ACOXL: variants seen among roughly 807,000 people sequenced by gnomAD.
ACOXL encodes the protein acyl-CoA oxidase like.
A neutral mutation model predicts 71.9 loss-of-function variants in ACOXL; 70 were observed. The observed-to-expected ratio is 0.97, with a 90% CI of 0.80 to 1.19. The LOEUF is 1.19. Ranked by LOEUF, ACOXL falls within the 50% of genes most tolerant of loss-of-function variation. The pLI, the probability that ACOXL is intolerant of heterozygous loss-of-function variation, is 0.00. For synonymous variants in ACOXL, 253 were observed against 281.6 expected, an observed-to-expected ratio of 0.90 and a Z score of 1.02; for missense variants, 703 against 736.3, an observed-to-expected ratio of 0.95 and a Z score of 0.52.
At position 111,095,398 on chromosome 2, in the gene ACOXL, T is replaced by TC. The variant is rs573893523; in HGVS notation, c.1542+2432_1542+2433insC. Among the ~76,000 whole-genome samples, 43 of 145,726 alleles carry TC rather than the reference T, an allele frequency of 3.0e-4. No homozygotes were observed. In the East Asian group the frequency reaches 7.9e-3, roughly 27 times the overall value. ...GTATTTATTTTTCTTTTTCTTTTTT[T>TC]TTTTTTTTTTTGAGTTGGAGTCTTG... On this transcript the variant is annotated intron_variant, in intron 17 of 17. Coordinates refer to ENST00000439055, the MANE Select transcript of ACOXL (RefSeq NM_001142807.4).
chr2:110,843,832 A>G (rs1357050514), intron 10 of ACOXL, among the ~76,000 whole-genome samples: 1 of 152,194 alleles, frequency 6.6e-6, no homozygotes, highest in Non-Finnish European at 1.5e-5. Flanking sequence ...TATCATGGAT[A>G]TTTACATAAG....
chr2:110,735,284 A>G (rs922215413), intron 1 of ACOXL, among the ~76,000 whole-genome samples: 2 of 152,218 alleles, frequency 1.3e-5, no homozygotes, highest in African/African-American at 4.8e-5. Context: ...ATGTTATAGA[A>G]CATTAGGAGA....
At chr2:110,992,744 C>T (rs1276191124) in intron 13 of ACOXL, among the ~76,000 whole-genome samples, 1 of 152,192 alleles carries the variant, frequency 6.6e-6, no homozygotes, top group East Asian at 1.9e-4. Flanking sequence ...TGGCTTGTCC[C>T]TGCAAGGGTT....
At chr2:111,019,533 T>C (rs1329780379) in intron 14 of ACOXL, among the ~76,000 whole-genome samples, 2 of 152,240 alleles carry the variant, frequency 1.3e-5, no homozygotes, top group African/African-American at 4.8e-5. Context: ...GCCAAGGCCC[T>C]GTTGATTTCA....
intron 9 of ACOXL, among the ~76,000 whole-genome samples, chr2:110,818,451 G>GTGTGTGTGTGTA (rs1373497384): frequency 1.2e-3 from 164 of 135,782 alleles, no homozygotes; most frequent in African/African-American, 4.4e-3. Context: ...GTGTGTGTGT[G>GTGTGTGTGTGTA]TATATATATA....
intron 1 of ACOXL, among the ~76,000 whole-genome samples, chr2:110,747,406 G>C (rs1678361611): frequency 1.3e-5 from 2 of 152,180 alleles, no homozygotes; most frequent in Admixed American, 6.5e-5. Context: ...AGTCAGGCCT[G>C]GTTATATCCA....
At chr2:110,738,846 G>A (rs968067791) in intron 1 of ACOXL, among the ~76,000 whole-genome samples, 1 of 151,858 alleles carries the variant, frequency 6.6e-6, no homozygotes, top group African/African-American at 2.4e-5. Context: ...CCATCTCTTT[G>A]TCTTTTGGTT....
chr2:110,790,620 G>A (rs183318597), intron 3 of ACOXL, among the ~76,000 whole-genome samples: 29 of 152,190 alleles, frequency 1.9e-4, no homozygotes, highest in Non-Finnish European at 2.2e-4. Context: ...ACTGCTTTTC[G>A]CAGTCTCTCT....
At chr2:111,039,940 G>T (rs1215052656) in intron 15 of ACOXL, among the ~76,000 whole-genome samples, 1 of 152,236 alleles carries the variant, frequency 6.6e-6, no homozygotes, top group Non-Finnish European at 1.5e-5. Context: ...CTGTTTCTCA[G>T]TATGTAAACC....
chr2:110,837,309 A>G (rs1321683247), intron 9 of ACOXL, among the ~76,000 whole-genome samples: 1 of 152,210 alleles, frequency 6.6e-6, no homozygotes. Flanking sequence ...ATTCCCAGTG[A>G]CATAGGGACA....
intron 16 of ACOXL, among the ~76,000 whole-genome samples, chr2:111,068,302 A>G (rs981533531): frequency 2.0e-5 from 3 of 152,188 alleles, no homozygotes; most frequent in Non-Finnish European, 4.4e-5. Context: ...TGACTGGAGC[A>G]CGGGGGCGTG....
At chr2:111,091,107 G>A (rs906889585) in intron 16 of ACOXL, among the ~76,000 whole-genome samples, 2 of 152,052 alleles carry the variant, frequency 1.3e-5, no homozygotes, top group Non-Finnish European at 2.9e-5. Flanking sequence ...TCTTGGCTGA[G>A]GGTCACAGCT....
intron 10 of ACOXL, among the ~76,000 whole-genome samples, chr2:110,880,010 G>A (rs1338951019): frequency 6.6e-6 from 1 of 151,960 alleles, no homozygotes; most frequent in African/African-American, 2.4e-5. Flanking sequence ...GCCAAGCATG[G>A]TGGCAGGTGC....
chr2:110,940,254 C>T (rs981074186), intron 12 of ACOXL, among the ~76,000 whole-genome samples: 5 of 152,146 alleles, frequency 3.3e-5, no homozygotes, highest in Non-Finnish European at 5.9e-5. Flanking sequence ...AAACACAGCC[C>T]AGACTCACTG....
At chr2:110,812,149 A>G (rs950366962) in intron 9 of ACOXL, among the ~76,000 whole-genome samples, 1 of 152,194 alleles carries the variant, frequency 6.6e-6, no homozygotes, top group African/African-American at 2.4e-5. Flanking sequence ...TAGGATGTAG[A>G]GTTATTTTGA....
chr2:110,914,733 G>C (rs754817349), intron 11 of ACOXL, among the ~76,000 whole-genome samples: 1 of 152,172 alleles, frequency 6.6e-6, no homozygotes, highest in African/African-American at 2.4e-5. Flanking sequence ...TGGTGAGATG[G>C]ACATCCTATA....
intron 10 of ACOXL, among the ~76,000 whole-genome samples, chr2:110,885,256 G>C (rs1697137598): frequency 6.6e-6 from 1 of 152,128 alleles, no homozygotes; most frequent in Admixed American, 6.6e-5. Context: ...AAATGAATGT[G>C]AAATTGTCCT....
chr2:110,786,966 G>T (rs1684035908), intron 3 of ACOXL, among the ~76,000 whole-genome samples: 2 of 151,824 alleles, frequency 1.3e-5, no homozygotes, highest in Non-Finnish European at 2.9e-5. Flanking sequence ...TTTTTAAAAA[G>T]AATCTGTATC....
At chr2:110,852,354 G>GCCCTGGCT (rs70958748) in intron 10 of ACOXL, among the ~76,000 whole-genome samples, 10,322 of 152,146 alleles carry the variant, frequency 0.068, 486 homozygotes, top group South Asian at 0.24. Context: ...GCGCGTGGGG[G>GCCCTGGCT]CCCTGGCTCC....
Sources: allele counts gnomAD v4.1 joint callset (sites outside exome capture counted in the v4.1 genomes callset), GRCh38; gene constraint gnomAD v4.1.1; transcripts MANE v1.5; gene names NCBI Gene and HGNC (gene_info 2026-07-23, HGNC 2026-07-21).